The following LMBRD1 variants were observed in gnomAD, a reference collection of about 807,000 sequenced individuals.
LMBRD1 encodes LMBR1 domain containing 1, also known as lysosomal cobalamin transport escort protein LMBD1.
In LMBRD1, 64 loss-of-function variants were observed where a neutral mutation model predicts 74.8. The observed-to-expected ratio is 0.86, with a 90% confidence interval of 0.70 to 1.05. LMBRD1 has a LOEUF of 1.05. Among genes scored for constraint, LMBRD1 ranks in the 50% least tolerant of loss-of-function variants. LMBRD1 has a pLI of 0.00. For synonymous variants in LMBRD1, 204 were observed against 216.3 expected, an observed-to-expected ratio of 0.94 and a Z score of 0.50; for missense variants, 652 against 645.9, an observed-to-expected ratio of 1.01 and a Z score of -0.10.
At chr6:69,738,718 T>C (rs1337371222) in intron 6 of LMBRD1, among the ~76,000 whole-genome samples, 3 of 152,216 alleles carry the variant, frequency 2.0e-5, no homozygotes, top group African/African-American at 4.8e-5. Context: ...CACATAAATA[T>C]ATCAAATTAT....
intron 2 of LMBRD1, among the ~76,000 whole-genome samples, chr6:69,789,421 G>T (rs1057190933): frequency 2.6e-5 from 4 of 151,974 alleles, no homozygotes; most frequent in Non-Finnish European, 4.4e-5. Context: ...TAGCTACTTG[G>T]GAGGCTGAGG....
intron 14 of LMBRD1, among the ~76,000 whole-genome samples, chr6:69,687,783 A>C (rs1021424563): frequency 1.3e-5 from 2 of 152,160 alleles, no homozygotes; most frequent in African/African-American, 4.8e-5. Context: ...TATAAGCTAA[A>C]TCTAACTATC....
intron 3 of LMBRD1, among the ~76,000 whole-genome samples, chr6:69,765,793 T>C (rs1765464208): frequency 1.3e-5 from 2 of 152,302 alleles, no homozygotes; most frequent in African/African-American, 2.4e-5. Context: ...TTAGTTTCTA[T>C]CAGCAATTTT....
chr6:69,737,619 A>C (rs56310174), intron 7 of LMBRD1, among the ~76,000 whole-genome samples: 17,405 of 149,836 alleles, frequency 0.12, 2,792 homozygotes, highest in African/African-American at 0.36. Context: ...TATGCTTATA[A>C]ATCTATAGGC....
chr6:69,771,967 T>G (rs1166497754), intron 3 of LMBRD1, among the ~76,000 whole-genome samples: 2 of 152,158 alleles, frequency 1.3e-5, no homozygotes, highest in Non-Finnish European at 2.9e-5. Context: ...ACTCAAAATG[T>G]GAAAAAGTAA....
At chr6:69,766,031 A>G (rs1049735606) in intron 3 of LMBRD1, among the ~76,000 whole-genome samples, 3 of 151,880 alleles carry the variant, frequency 2.0e-5, no homozygotes, top group African/African-American at 7.2e-5. Context: ...ATCTTATATC[A>G]CCTGTGAAAG....
chr6:69,759,670 T>C (rs1413128190), intron 3 of LMBRD1, among the ~76,000 whole-genome samples: 3 of 152,124 alleles, frequency 2.0e-5, no homozygotes, highest in Non-Finnish European at 2.9e-5. Context: ...TGTATTCATT[T>C]AACAAATACC....
intron 2 of LMBRD1, 61 bp downstream of exon 2, chr6:69,790,235 A>G (rs1766049051): frequency 9.2e-7 from 1 of 1,092,348 alleles, no homozygotes; most frequent in Admixed American, 1.9e-5. Flanking sequence ...TATGTATCGG[A>G]CTGCCAAGTG....
intron 14 of LMBRD1, among the ~76,000 whole-genome samples, chr6:69,693,721 C>T (rs1273046116): frequency 6.6e-6 from 1 of 151,702 alleles, no homozygotes; most frequent in Admixed American, 6.6e-5. Flanking sequence ...AGTCCCTCAC[C>T]ATCCCTCATC....
At chr6:69,756,666 A>ACCT (rs1765273522) in intron 3 of LMBRD1, among the ~76,000 whole-genome samples, 1 of 152,152 alleles carries the variant, frequency 6.6e-6, no homozygotes, top group Non-Finnish European at 1.5e-5. Context: ...ATGTAAAAGG[A>ACCT]CCTCTGCCCA....
At chr6:69,695,443 C>G (rs1765974589) in intron 14 of LMBRD1, among the ~76,000 whole-genome samples, 1 of 152,084 alleles carries the variant, frequency 6.6e-6, no homozygotes, top group South Asian at 2.1e-4. Context: ...CTCACATATA[C>G]AGGAACTCAT....
chr6:69,747,856 A>G (rs1235973420), intron 5 of LMBRD1, among the ~76,000 whole-genome samples: 1 of 152,242 alleles, frequency 6.6e-6, no homozygotes, highest in East Asian at 1.9e-4. Context: ...CATATCACTT[A>G]AAAGAAACTC....
chr6:69,768,687 G>T (rs984474160), intron 3 of LMBRD1, among the ~76,000 whole-genome samples: 1 of 151,860 alleles, frequency 6.6e-6, no homozygotes, highest in Non-Finnish European at 1.5e-5. Flanking sequence ...TTCTTCCTAT[G>T]AATTTGGTTT....
At chr6:69,684,159 T>C (rs1453122286) in intron 14 of LMBRD1, among the ~76,000 whole-genome samples, 1 of 151,994 alleles carries the variant, frequency 6.6e-6, no homozygotes, top group African/African-American at 2.4e-5. Flanking sequence ...TTAAAGATAT[T>C]ACATCCATAA....
chr6:69,760,823 A>T (rs991304989), intron 3 of LMBRD1, among the ~76,000 whole-genome samples: 3 of 152,120 alleles, frequency 2.0e-5, no homozygotes, highest in Non-Finnish European at 4.4e-5. Context: ...GAGCTGCCCT[A>T]TAGAAAAGTC....
rs1767110006 is a variant in LMBRD1 at position 69,741,827 on chromosome 6, T to TC, written c.523dup (p.Glu175GlyfsTer8). On this transcript the variant is annotated frameshift_variant, in exon 6 of 16. Coordinates refer to ENST00000649934, the MANE Select transcript of LMBRD1 (RefSeq NM_018368.4). LOFTEE classifies it high-confidence loss of function. ...TTCTTCAAATAGGGACTTCACTTTTTCCCACTCTGTAGAATTTTTGTTATT... is the reference window on the plus strand; with the variant it reads ...TTCTTCAAATAGGGACTTCACTTTTTCCCCACTCTGTAGAATTTTTGTTATT... The TC allele has an allele frequency of 1.9e-6, 3 of 1,607,446 alleles. No homozygotes were observed. Among genetic ancestry groups the TC allele is most frequent in the Admixed American group, 3.3e-5 (2 of 59,986 alleles).
At chr6:69,726,035 C>T (rs915863758) in intron 7 of LMBRD1, among the ~76,000 whole-genome samples, 6 of 152,058 alleles carry the variant, frequency 3.9e-5, no homozygotes, top group Non-Finnish European at 7.4e-5. Context: ...AACAACTCTA[C>T]AGAAAAAAGC....
intron 5 of LMBRD1, among the ~76,000 whole-genome samples, chr6:69,745,556 C>T (rs934495577): frequency 7.2e-5 from 11 of 152,304 alleles, no homozygotes; most frequent in Middle Eastern, 3.4e-3. Flanking sequence ...CCGCGCCCGG[C>T]CAAAAATTTC....
At chr6:69,755,150 C>A (rs1461570882) in intron 3 of LMBRD1, among the ~76,000 whole-genome samples, 1 of 152,112 alleles carries the variant, frequency 6.6e-6, no homozygotes, top group Non-Finnish European at 1.5e-5. Context: ...CTGCAGCACT[C>A]TTTACAATAG....
Sources: gnomAD v4.1 joint callset for allele counts (sites outside exome capture counted in the v4.1 genomes callset) on GRCh38, gnomAD v4.1.1 for gene constraint, MANE v1.5 for transcripts, NCBI Gene and HGNC (gene_info 2026-07-23, HGNC 2026-07-21) for gene names.